CNTNAP5: variants seen among roughly 807,000 people sequenced by gnomAD.
The protein encoded by CNTNAP5 is contactin associated protein family member 5, also known as contactin-associated protein-like 5.
In CNTNAP5, 72 loss-of-function variants were observed where a neutral mutation model predicts 150.2. The ratio of observed to expected loss-of-function variants is 0.48; its 90% CI spans 0.40 to 0.58. CNTNAP5 has a LOEUF of 0.58. CNTNAP5 is among the 20% of genes least tolerant of loss of function. The pLI is 0.00. For synonymous variants in CNTNAP5, 672 were observed against 619.8 expected, an observed-to-expected ratio of 1.08 and a Z score of -1.25; for missense variants, 1,636 against 1,626.2, an observed-to-expected ratio of 1.01 and a Z score of -0.10.
intron 10 of CNTNAP5, among the ~76,000 whole-genome samples, chr2:124,535,638 G>A (rs909261282): frequency 1.3e-5 from 2 of 151,400 alleles, no homozygotes; most frequent in Non-Finnish European, 2.9e-5. Context: ...TTAGCTGGGT[G>A]TGGTTCTGCA....
At chr2:124,484,765 C>A (rs1482421609) in intron 7 of CNTNAP5, among the ~76,000 whole-genome samples, 1 of 152,086 alleles carries the variant, frequency 6.6e-6, no homozygotes, top group Non-Finnish European at 1.5e-5. Flanking sequence ...GCACACACAC[C>A]CCTTTAAGAA....
intron 3 of CNTNAP5, among the ~76,000 whole-genome samples, chr2:124,406,122 T>A (rs1691564691): frequency 6.6e-6 from 1 of 152,212 alleles, no homozygotes; most frequent in Non-Finnish European, 1.5e-5. Context: ...TTGATTAACT[T>A]CCAAATATTT....
rs751454877 is a variant in CNTNAP5 at position 124,647,867 on chromosome 2, G to A, written c.1986G>A (p.Met662Ile). ...TGGCCTTGGACTACGGGGGCAGCATGGAACAGCTGGAGGCCGTGATCGACG... is the reference window on the plus strand; with the variant it reads ...TGGCCTTGGACTACGGGGGCAGCATAGAACAGCTGGAGGCCGTGATCGACG... ...YAMALDYGGS[M>I]EQLEAVIDGS... The change falls in exon 13 of 24, where the codon ATG (methionine) becomes ATA (isoleucine). Residue 662 changes from methionine (M) to isoleucine (I), a missense_variant. By Grantham distance (10) the Met-to-Ile change is conservative (BLOSUM62 1). Transcript: ENST00000682447. 6.2e-7 allele frequency: 1 copy of A among 1,613,324 alleles called. No individual in the cohort carries two copies. The highest frequency in any genetic ancestry group is 2.2e-5 in the East Asian group (1 of 44,826).
At chr2:124,786,909 G>C (rs978472874) in intron 17 of CNTNAP5, among the ~76,000 whole-genome samples, 10 of 152,090 alleles carry the variant, frequency 6.6e-5, no homozygotes, top group African/African-American at 2.4e-4. Flanking sequence ...AAAACAGCCA[G>C]GTAAAAATGG....
intron 12 of CNTNAP5, among the ~76,000 whole-genome samples, chr2:124,610,819 T>C (rs889525498): frequency 2.0e-5 from 3 of 151,908 alleles, no homozygotes; most frequent in Non-Finnish European, 4.4e-5. Context: ...ATTAGCTGGG[T>C]GCGGTGGCAT....
intron 2 of CNTNAP5, among the ~76,000 whole-genome samples, chr2:124,224,932 T>C (rs527470564): frequency 1.3e-5 from 2 of 152,294 alleles, no homozygotes; most frequent in South Asian, 4.1e-4. Context: ...ATTATAACAC[T>C]GTCTCAATGA....
intron 8 of CNTNAP5, among the ~76,000 whole-genome samples, chr2:124,510,393 A>C: frequency 7.5e-6 from 1 of 132,482 alleles, no homozygotes; most frequent in African/African-American, 2.8e-5. Flanking sequence ...ACACACAAAT[A>C]TTCATTGGCC....
chr2:124,638,787 A>G (rs1456774063), intron 12 of CNTNAP5, among the ~76,000 whole-genome samples: 3 of 152,122 alleles, frequency 2.0e-5, no homozygotes, highest in Admixed American at 6.6e-5. Flanking sequence ...TTGTGCATCA[A>G]TACCTTGATT....
At chr2:124,536,076 G>A (rs1251739403) in intron 10 of CNTNAP5, among the ~76,000 whole-genome samples, 1 of 152,154 alleles carries the variant, frequency 6.6e-6, no homozygotes, top group Non-Finnish European at 1.5e-5. Flanking sequence ...GCCATTGGAA[G>A]GGCAGTGCCC....
intron 3 of CNTNAP5, among the ~76,000 whole-genome samples, chr2:124,320,155 A>G (rs1186483709): frequency 6.6e-6 from 1 of 152,160 alleles, no homozygotes; most frequent in African/African-American, 2.4e-5. Flanking sequence ...ATATCCATTT[A>G]TGCTGCCTCA....
chr2:124,509,032 T>C (rs543519727), intron 8 of CNTNAP5, among the ~76,000 whole-genome samples: 64 of 151,016 alleles, frequency 4.2e-4, no homozygotes, highest in Admixed American at 7.3e-4. Flanking sequence ...ATGTCCCAAA[T>C]GGGTCAGAGA....
intron 1 of CNTNAP5, among the ~76,000 whole-genome samples, chr2:124,050,480 AG>A (rs1666210453): frequency 1.3e-5 from 2 of 152,180 alleles, no homozygotes; most frequent in Admixed American, 6.5e-5. Context: ...TAATAAAAAA[AG>A]AATAAAGAAA....
chr2:124,408,957 A>G (rs575189703), intron 3 of CNTNAP5, among the ~76,000 whole-genome samples: 7,158 of 150,292 alleles, frequency 0.048, 185 homozygotes, highest in South Asian at 0.1. Context: ...GAGGACATTC[A>G]AACCAAAGGC....
chr2:124,799,971 T>C (rs1681931767), intron 19 of CNTNAP5, among the ~76,000 whole-genome samples: 1 of 152,158 alleles, frequency 6.6e-6, no homozygotes, highest in African/African-American at 2.4e-5. Context: ...CAATAGCCCT[T>C]TATGTGATTA....
intron 17 of CNTNAP5, among the ~76,000 whole-genome samples, chr2:124,777,515 T>G (rs1229368307): frequency 6.6e-6 from 1 of 152,068 alleles, no homozygotes; most frequent in Non-Finnish European, 1.5e-5. Context: ...CCTGAGTAGC[T>G]GGGGTTACAG....
chr2:124,369,608 C>A (rs1367383772), intron 3 of CNTNAP5, among the ~76,000 whole-genome samples: 1 of 152,036 alleles, frequency 6.6e-6, no homozygotes, highest in Non-Finnish European at 1.5e-5. Flanking sequence ...TATAACCTGT[C>A]AAATTGTGAT....
At chr2:124,041,405 G>A (rs1246363006) in intron 1 of CNTNAP5, among the ~76,000 whole-genome samples, 1 of 152,126 alleles carries the variant, frequency 6.6e-6, no homozygotes, top group Non-Finnish European at 1.5e-5. Flanking sequence ...ACCATCCACT[G>A]CTTTTATGTG....
At chr2:124,061,780 A>C (rs1015807667) in intron 1 of CNTNAP5, among the ~76,000 whole-genome samples, 4 of 152,202 alleles carry the variant, frequency 2.6e-5, no homozygotes, top group African/African-American at 9.6e-5. Flanking sequence ...CAGTTGGCCC[A>C]AATTTAAGTC....
intron 4 of CNTNAP5, among the ~76,000 whole-genome samples, chr2:124,427,974 A>G (rs116027059): frequency 0.011 from 1,620 of 152,194 alleles, 26 homozygotes; most frequent in African/African-American, 0.037. Context: ...GTGAGGTCTT[A>G]CATTCTGTAT....
Sources: allele counts gnomAD v4.1 joint callset (sites outside exome capture counted in the v4.1 genomes callset), GRCh38; gene constraint gnomAD v4.1.1; transcripts MANE v1.5; gene names NCBI Gene and HGNC (gene_info 2026-07-23, HGNC 2026-07-21).